DLD: variants seen among roughly 807,000 people sequenced by gnomAD.
The protein encoded by DLD is dihydrolipoyl dehydrogenase, mitochondrial.
In DLD, 36 loss-of-function variants were observed where a neutral mutation model predicts 62.2. The observed-to-expected ratio is 0.58, with a 90% CI of 0.44 to 0.76. DLD has a LOEUF of 0.76. Ranked by LOEUF, DLD falls within the 30% of genes least tolerant of loss-of-function variation. DLD has a pLI of 0.00. For missense variants in DLD, 541 were observed against 608.6 expected (o/e 0.89, Z 1.17); for synonymous variants, 204 against 199.6 (o/e 1.02, Z -0.19).
rs769218101 is a variant in DLD, at chr7:107,915,608, C to A, written c.787C>A (p.Arg263Ser). The A allele has an allele frequency of 6.2e-7, 1 of 1,613,438 alleles. No homozygotes were observed. Among genetic ancestry groups the A allele is most frequent in the East Asian group, 2.2e-5 (1 of 44,820 alleles). ...IDMEISKNFQRILQKQGFKFK... is the reference protein window; with the variant it reads ...IDMEISKNFQSILQKQGFKFK... The stretch of plus-strand genomic sequence containing the variant: ...TATGGAGATATCTAAAAACTTTCAA[C>A]GCATCCTTCAAAAACAGGGGTTTAA... Residue 263 changes from arginine (R) to serine (S), a missense_variant, in exon 9 of 14, where the codon CGC becomes AGC. Physicochemically the swap from Arg to Ser is moderately radical, Grantham distance 110 (BLOSUM62 -1). Coordinates refer to ENST00000205402, the MANE Select transcript of DLD (RefSeq NM_000108.5).
Position 107,916,788 on chromosome 7 carries a change from A to T in DLD, c.876-6A>T, listed in dbSNP as rs199944006. 87 of 1,612,972 alleles carry T rather than the reference A, an allele frequency of 5.4e-5. No homozygotes were observed. The highest frequency in any genetic ancestry group is 6.8e-6 in the Non-Finnish European group (8 of 1,179,606). On this transcript the variant is annotated splice_region_variant and splice_polypyrimidine_tract_variant and intron_variant, in intron 9 of 13. Transcript: ENST00000205402. ...ATTTAACATTTATACACTGTTTGTT[A>T]TCTAGTATTGAAGCTGCTTCTGGTG...
In DLD at chr7:107,901,753, C is replaced by T; in HGVS notation, c.134C>T (p.Thr45Ile). The stretch of plus-strand genomic sequence containing the variant: ...TTTATCGTAGTTGATGCTGATGTAA[C>T]AGTTATAGGTTCTGGTCCTGGAGGA... ...YADQPIDADV[T>I]VIGSGPGGYV... is the part of the protein sequence containing the mutation. The change falls in exon 3 of 14, where the codon ACA (threonine) becomes ATA (isoleucine). Residue 45 changes from threonine to isoleucine, a missense_variant. Thr to Ile is a moderately conservative substitution (Grantham distance 89). Coordinates refer to ENST00000205402, the MANE Select transcript of DLD (RefSeq NM_000108.5). 1 of 1,613,426 alleles carries T rather than the reference C, an allele frequency of 6.2e-7. No homozygotes were observed. The highest frequency in any genetic ancestry group is 8.5e-7 in the Non-Finnish European group (1 of 1,179,516).
chr7:107,918,580 G>C (rs879599141), intron 12 of DLD, among the ~76,000 whole-genome samples: 1 of 152,136 alleles, frequency 6.6e-6, no homozygotes, highest in Non-Finnish European at 1.5e-5. Context: ...TACCTCCTAA[G>C]GGAAGCCTTT....
chr7:107,900,586 G>C (rs1396191885), intron 2 of DLD, among the ~76,000 whole-genome samples: 1 of 152,006 alleles, frequency 6.6e-6, no homozygotes, highest in African/African-American at 2.4e-5. Context: ...TTTAGTTTAT[G>C]ATGGTTAAAA....
chr7:107,901,870 G>T, intron 3 of DLD, 53 bp downstream of exon 3: 1 of 1,463,810 alleles, frequency 6.8e-7, no homozygotes, highest in South Asian at 1.1e-5. Flanking sequence ...GGGAAGGGTT[G>T]ATCATATTTA....
At chr7:107,893,770 A>C (rs997177036) in intron 2 of DLD, among the ~76,000 whole-genome samples, 3 of 152,140 alleles carry the variant, frequency 2.0e-5, no homozygotes, top group African/African-American at 7.2e-5. Context: ...AAACCCATGC[A>C]ATGTAAAGTC....
intron 1 of DLD, among the ~76,000 whole-genome samples, chr7:107,892,008 AT>A (rs2031591226): frequency 6.6e-6 from 1 of 152,194 alleles, no homozygotes; most frequent in South Asian, 2.1e-4. Flanking sequence ...TGTTTCAGAG[AT>A]GAGGAACCTG....
At position 107,919,442 on chromosome 7, in the gene DLD, AG is replaced by A. The variant is rs1406086223; in HGVS notation, c.*184del. The A allele has an allele frequency of 7.4e-6, 4 of 538,832 alleles. No individual in the cohort carries two copies. The African/African-American group carries it at 7.6e-5, about 10-fold the overall frequency. 33.4% of individuals were successfully genotyped at this position (538,832 alleles called of 1,614,324 possible). A position where few individuals can be genotyped will look rare whatever the true frequency, so the allele number is the denominator to read the frequency against. On this transcript the variant is annotated 3_prime_UTR_variant, in exon 14 of 14. Transcript: ENST00000205402. ...TTATATCTATATTTTACATAAATTT[AG>A]TATTTTGTTTCAGTGCACTAATGTG...
intron 1 of DLD, chr7:107,891,683 C>T (rs984243765): frequency 6.8e-5 from 22 of 321,438 alleles, no homozygotes; most frequent in African/African-American, 4.0e-4. Context: ...TAATTCTGAT[C>T]CCTGAGTGGC....
intron 2 of DLD, among the ~76,000 whole-genome samples, chr7:107,895,916 A>G (rs1301762329): frequency 1.3e-5 from 2 of 152,326 alleles, no homozygotes; most frequent in Admixed American, 1.3e-4. Context: ...CACCCCTCCA[A>G]GAGCCTAAAG....
chr7:107,919,173 T>G (rs776969097), intron 13 of DLD, 21 bp from the exon 14 acceptor site: 4 of 1,613,114 alleles, frequency 2.5e-6, no homozygotes, highest in Non-Finnish European at 3.4e-6. Flanking sequence ...GGATTTTAAT[T>G]TTAAATTTCT....
chr7:107,895,476 G>T (rs1050023512), intron 2 of DLD, among the ~76,000 whole-genome samples: 3 of 152,194 alleles, frequency 2.0e-5, no homozygotes, highest in Admixed American at 6.5e-5. Context: ...AATCAAACTT[G>T]TAACACTTAA....
rs759116998 is a variant in DLD, at chr7:107,891,202, C to CGCCCAGCGGAGGT, written c.-47_-35dup. 1.2e-6 allele frequency: 2 copies of CGCCCAGCGGAGGT among 1,611,048 alleles called. No homozygotes were observed. Among genetic ancestry groups the CGCCCAGCGGAGGT allele is most frequent in the Non-Finnish European group, 1.7e-6 (2 of 1,177,524 alleles). On this transcript the variant is annotated 5_prime_UTR_variant, in exon 1 of 14. Transcript: ENST00000205402. ...GGAGACCTTGGCGGAGCGGCGGAGG[C>CGCCCAGCGGAGGT]GCCCAGCGGAGGTGAAAGTATTGGC...
chr7:107,911,058 A>T (rs1237028799), intron 8 of DLD, among the ~76,000 whole-genome samples: 5 of 152,178 alleles, frequency 3.3e-5, no homozygotes, highest in Non-Finnish European at 7.4e-5. Flanking sequence ...TTTTTAGTAT[A>T]TTCATAGAGT....
intron 1 of DLD, among the ~76,000 whole-genome samples, chr7:107,892,126 C>G (rs1212456005): frequency 6.6e-6 from 1 of 152,054 alleles, no homozygotes; most frequent in African/African-American, 2.4e-5. Context: ...GGTTTGCTGT[C>G]CTGACCTCAA....
intron 2 of DLD, among the ~76,000 whole-genome samples, chr7:107,895,987 C>T (rs546273318): frequency 2.1e-4 from 32 of 152,246 alleles, no homozygotes; most frequent in African/African-American, 7.0e-4. Context: ...TGGAACAGAT[C>T]GTACATAGGT....
At chr7:107,911,101 C>G (rs568853382) in intron 8 of DLD, among the ~76,000 whole-genome samples, 1 of 152,240 alleles carries the variant, frequency 6.6e-6, no homozygotes, top group South Asian at 2.1e-4. Context: ...AACTCTAGAA[C>G]ATTTTCATCA....
intron 8 of DLD, among the ~76,000 whole-genome samples, chr7:107,911,359 A>G (rs1204683501): frequency 5.9e-5 from 9 of 152,180 alleles, no homozygotes; most frequent in Admixed American, 5.9e-4. Context: ...TTCTATGGAT[A>G]TGGCACATTT....
At chr7:107,911,206 T>A (rs2032131366) in intron 8 of DLD, among the ~76,000 whole-genome samples, 1 of 152,218 alleles carries the variant, frequency 6.6e-6, no homozygotes, top group South Asian at 2.1e-4. Flanking sequence ...TCTATGAATT[T>A]GCATATTGTG....
Sources: gnomAD v4.1 joint callset for allele counts (sites outside exome capture counted in the v4.1 genomes callset) on GRCh38, gnomAD v4.1.1 for gene constraint, MANE v1.5 for transcripts, NCBI Gene and HGNC (gene_info 2026-07-23, HGNC 2026-07-21) for gene names.